PHKA2: variants seen among roughly 807,000 people sequenced by gnomAD.
PHKA2 encodes the protein phosphorylase kinase regulatory subunit alpha 2.
A neutral mutation model predicts 102.0 loss-of-function variants in PHKA2; 31 were observed. The observed-to-expected ratio is 0.30, with a 90% CI of 0.23 to 0.41. The LOEUF is 0.41. Among genes scored for constraint, PHKA2 ranks in the 10% least tolerant of loss-of-function variants. PHKA2 has a pLI of 1.00. For synonymous variants in PHKA2, 455 were observed against 416.2 expected (o/e 1.09, Z -1.13); for missense variants, 858 against 1,023.1 (o/e 0.84, Z 2.20).
At chrX:18,894,733 T>C in intron 31 of PHKA2, 1 of 381,418 alleles carries the variant, frequency 2.6e-6, no homozygotes, top group East Asian at 4.4e-5. Flanking sequence ...TTGGGTGGGG[T>C]AAAACTAAAA....
Position 18,925,677 on chromosome X carries a change from A to G in PHKA2, c.1560T>C (p.Phe520=). Residue 520 remains phenylalanine (F), a synonymous_variant, in exon 15 of 33, where the codon TTT becomes TTC. Transcript: ENST00000379942. ...LYVIRNQIFT[F]TPQFTDQHHF... Reference sequence around the variant, plus strand: ...GGCCTGCTCTCCTCACCTGGGGTGTAAAAGTAAAGATTTGGTTCCTAATCA... The same window carrying G: ...GGCCTGCTCTCCTCACCTGGGGTGTGAAAGTAAAGATTTGGTTCCTAATCA... The G allele has an allele frequency of 5.2e-6, 6 of 1,152,098 alleles. No homozygotes were observed. Among genetic ancestry groups the G allele is most frequent in the Non-Finnish European group, 7.1e-6 (6 of 840,900 alleles). The allele number at this position is 1,152,098 out of a possible 1,213,427, so 94.9% of individuals were successfully genotyped here.
intron 1 of PHKA2, 71 bp from the exon 2 acceptor site, chrX:18,954,483 C>A: frequency 2.8e-6 from 3 of 1,066,889 alleles, no homozygotes; most frequent in Non-Finnish European, 3.9e-6. Flanking sequence ...GATGCTTGTC[C>A]TAACAGGGTA....
intron 6 of PHKA2, among the ~76,000 whole-genome samples, chrX:18,944,835 G>A (rs1207347330): frequency 8.9e-6 from 1 of 112,254 alleles, no homozygotes; most frequent in Non-Finnish European, 1.9e-5. Context: ...CATGGGTGAT[G>A]GCAGCAGCTA....
chrX:18,923,047 C>CTTT lies in PHKA2; in HGVS notation c.1793+1006_1793+1008dup, dbSNP rs775796728. Among the ~76,000 whole-genome samples the CTTT allele has an allele frequency of 1.6e-4, 13 of 82,527 alleles. 1 individual carries two copies. The highest frequency in any genetic ancestry group is 2.5e-4 in the African/African-American group (5 of 20,239). The allele number at this position is 82,527 out of a possible 115,157, so 71.7% of individuals were successfully genotyped here. On this transcript the variant is annotated intron_variant, in intron 17 of 32. Transcript: ENST00000379942. ...GGCTGAGCTACACAGTGAGATTCTC[C>CTTT]TTTTTTTTTTTTTTTTTTTTGAGAC...
At chrX:18,900,470 G>A (rs2047660483) in intron 28 of PHKA2, among the ~76,000 whole-genome samples, 200 bp downstream of exon 28, 1 of 111,473 alleles carries the variant, frequency 9.0e-6, no homozygotes, top group Non-Finnish European at 1.9e-5. Flanking sequence ...CCAAGAGTTT[G>A]AGAAACAGAT....
Position 18,952,222 on chromosome X carries a change from G to A in PHKA2, c.285+272C>T, listed in dbSNP as rs751013202. ...AAAAAAAAAAAAGGCCAGGTGAATG[G>A]TACACACCTCAGGTGGGAGAACCAC... On this transcript the variant is annotated intron_variant, in intron 3 of 32. Transcript: ENST00000379942. Among the ~76,000 whole-genome samples the A allele has an allele frequency of 5.2e-5, 5 of 96,868 alleles. No homozygotes were observed. The South Asian group carries it at 2.7e-3, about 52-fold the overall frequency. The allele number at this position is 96,868 out of a possible 115,157, so 84.1% of individuals were successfully genotyped here. A position where few individuals can be genotyped will look rare whatever the true frequency, so the allele number is the denominator to read the frequency against.
At chrX:18,939,027 G>A (rs1000819685) in intron 9 of PHKA2, among the ~76,000 whole-genome samples, 1 of 112,262 alleles carries the variant, frequency 8.9e-6, no homozygotes, top group East Asian at 2.8e-4. Context: ...ACCAAGTTTG[G>A]CAGAGGATCT....
At chrX:18,899,276 C>CA (rs1468614777) in intron 28 of PHKA2, 50 bp from the exon 29 acceptor site, 4 of 1,027,289 alleles carry the variant, frequency 3.9e-6, no homozygotes, top group Middle Eastern at 2.5e-4. Context: ...CACCAAGAGA[C>CA]ACAGCAGAGA....
chrX:18,980,142 A>G (rs1413936796), intron 1 of PHKA2, among the ~76,000 whole-genome samples: 1 of 112,831 alleles, frequency 8.9e-6, no homozygotes, highest in Non-Finnish European at 1.9e-5. Context: ...GCCATTCTCC[A>G]TTCTCGATAA....
At position 18,951,094 on chromosome X, in the gene PHKA2, C is replaced by T. The variant is rs778882246; in HGVS notation, c.454+10G>A. The T allele has an allele frequency of 2.5e-6, 3 of 1,209,813 alleles. No individual in the cohort carries two copies. Among genetic ancestry groups the T allele is most frequent in the African/African-American group, 3.5e-5 (2 of 57,361 alleles). The stretch of plus-strand genomic sequence containing the variant: ...TCCTTATACAATGGGCTCCAGCAAC[C>T]CCAGCTCACCTGAGGCGGTCATCTG... On this transcript the variant is annotated intron_variant, in intron 4 of 32. Coordinates refer to ENST00000379942, the MANE Select transcript of PHKA2 (RefSeq NM_000292.3).
At position 18,910,546 on chromosome X, in the gene PHKA2, G is replaced by A. The variant is rs147744596; in HGVS notation, c.2226+326C>T. Among the ~76,000 whole-genome samples, 355 of 112,157 alleles carry A rather than the reference G, an allele frequency of 3.2e-3. 1 individual carries two copies. The highest frequency in any genetic ancestry group is 0.011 in the African/African-American group (335 of 30,883). ...TTCCCCAAGTAGTCCCACCTTGGCT[G>A]GCTAAACAGTTAGGCGGGGTTAGGT... is the stretch of plus-strand genomic sequence containing the variant. On this transcript the variant is annotated intron_variant, in intron 20 of 32. Coordinates refer to ENST00000379942, the MANE Select transcript of PHKA2 (RefSeq NM_000292.3).
chrX:18,973,539 T>C (rs975552152), intron 1 of PHKA2, among the ~76,000 whole-genome samples: 1 of 112,330 alleles, frequency 8.9e-6, no homozygotes, highest in African/African-American at 3.2e-5. Flanking sequence ...TTAATATCAA[T>C]ATTCATAAGT....
chrX:18,943,219 C>T (rs937045151), intron 7 of PHKA2, among the ~76,000 whole-genome samples: 6 of 111,846 alleles, frequency 5.4e-5, no homozygotes, highest in African/African-American at 2.0e-4. Flanking sequence ...TATTAGATCA[C>T]TCCTTTCTCT....
intron 26 of PHKA2, chrX:18,902,732 G>C (rs1195326648): frequency 9.2e-6 from 1 of 108,974 alleles, no homozygotes; most frequent in Non-Finnish European, 1.9e-5. Context: ...TTGCACCCCA[G>C]CCTGGGCAAC....
chrX:18,958,792 C>T (rs2048822736), intron 1 of PHKA2, among the ~76,000 whole-genome samples: 1 of 110,753 alleles, frequency 9.0e-6, no homozygotes, highest in African/African-American at 3.3e-5. Context: ...TCACTGAAAC[C>T]TCTGTCTCGG....
rs376181029 is a variant in PHKA2, at chrX:18,894,739, T to TA, written c.3337-336dup. 1.2e-3 allele frequency: 470 copies of TA among 376,481 alleles called. 1 individual carries two copies. Among genetic ancestry groups the TA allele is most frequent in the African/African-American group, 4.3e-3 (168 of 39,010 alleles). The allele number at this position is 376,481 out of a possible 1,213,427, so 31.0% of individuals were successfully genotyped here. A position where few individuals can be genotyped will look rare whatever the true frequency, so the allele number is the denominator to read the frequency against. ...CATGGTGCTTTGGGTGGGGTAAAAC[T>TA]AAAAAAAAATCCATGTTAAAAAGAA... On this transcript the variant is annotated intron_variant, in intron 31 of 32. Transcript: ENST00000379942.
At position 18,954,430 on chromosome X, in the gene PHKA2, C is replaced by T; in HGVS notation, c.79-18G>A. Reference sequence around the variant, plus strand: ...ACGGGATTCTATTAGAGAAGAGACACAAAATGGCTCAGTGCCATCCTTCAT... The same window carrying T: ...ACGGGATTCTATTAGAGAAGAGACATAAAATGGCTCAGTGCCATCCTTCAT... On this transcript the variant is annotated intron_variant, in intron 1 of 32. Transcript: ENST00000379942. 1.7e-6 allele frequency: 2 copies of T among 1,204,775 alleles called. No homozygotes were observed. Among genetic ancestry groups the T allele is most frequent in the Non-Finnish European group, 2.2e-6 (2 of 891,721 alleles).
At chrX:18,957,738 T>TTA (rs748964864) in intron 1 of PHKA2, among the ~76,000 whole-genome samples, 1,350 of 95,054 alleles carry the variant, frequency 0.014, 31 homozygotes, top group East Asian at 0.05. Context: ...TAAAACCAGA[T>TTA]TATATATATA....
At chrX:18,977,841 C>T (rs1019869746) in intron 1 of PHKA2, among the ~76,000 whole-genome samples, 7 of 112,080 alleles carry the variant, frequency 6.2e-5, no homozygotes, top group Non-Finnish European at 1.3e-4. Context: ...ATGACACACA[C>T]CTTTTAAAAA....
Sources: allele counts gnomAD v4.1 joint callset (sites outside exome capture counted in the v4.1 genomes callset), GRCh38; gene constraint gnomAD v4.1.1; transcripts MANE v1.5; gene names NCBI Gene and HGNC (gene_info 2026-07-23, HGNC 2026-07-21).